The following CFAP299 variants were observed in gnomAD, a reference collection of about 807,000 sequenced individuals.
CFAP299 encodes the protein cilia and flagella associated protein 299.
In CFAP299, 21 loss-of-function variants were observed where a neutral mutation model predicts 27.0. The ratio of observed to expected loss-of-function variants is 0.78; its 90% CI spans 0.55 to 1.12. CFAP299 has a LOEUF of 1.12. Ranked by LOEUF, CFAP299 falls within the 50% of genes most tolerant of loss-of-function variation. The pLI is 0.00. For missense variants in CFAP299, 310 were observed against 276.6 expected, an observed-to-expected ratio of 1.12 and a Z score of -0.86; for synonymous variants, 104 against 98.1, an observed-to-expected ratio of 1.06 and a Z score of -0.36.
intron 3 of CFAP299, among the ~76,000 whole-genome samples, chr4:80,597,381 A>G (rs914741942): frequency 2.6e-5 from 4 of 152,104 alleles, no homozygotes; most frequent in Non-Finnish European, 5.9e-5. Context: ...GCGTCTATTC[A>G]CATTTCTTAT....
At chr4:80,894,063 C>T (rs1286310233) in intron 4 of CFAP299, among the ~76,000 whole-genome samples, 2 of 151,650 alleles carry the variant, frequency 1.3e-5, no homozygotes, top group Admixed American at 6.6e-5. Flanking sequence ...AAAGACCTAA[C>T]CAAACGTTTC....
chr4:80,846,217 A>T (rs1351022575), intron 3 of CFAP299, among the ~76,000 whole-genome samples: 3 of 152,158 alleles, frequency 2.0e-5, no homozygotes, highest in East Asian at 1.9e-4. Context: ...CTGTATAGGG[A>T]TGGAGGAATT....
At chr4:80,737,365 T>C (rs1035645235) in intron 3 of CFAP299, among the ~76,000 whole-genome samples, 5 of 152,102 alleles carry the variant, frequency 3.3e-5, no homozygotes, top group Admixed American at 3.3e-4. Flanking sequence ...AGAATGGTAT[T>C]ATTTCTTCTT....
intron 3 of CFAP299, among the ~76,000 whole-genome samples, chr4:80,628,181 C>A (rs1460049098): frequency 6.6e-6 from 1 of 152,028 alleles, no homozygotes; most frequent in African/African-American, 2.4e-5. Flanking sequence ...TAAATCCATG[C>A]ATTTACAGCT....
chr4:80,826,109 A>T (rs1242766441), intron 3 of CFAP299, among the ~76,000 whole-genome samples: 1 of 151,884 alleles, frequency 6.6e-6, no homozygotes, highest in East Asian at 1.9e-4. Context: ...ACTGTATAAA[A>T]GCAGTTTTTG....
intron 3 of CFAP299, among the ~76,000 whole-genome samples, chr4:80,668,796 TC>T (rs1314074665): frequency 1.3e-5 from 2 of 152,166 alleles, no homozygotes; most frequent in African/African-American, 4.8e-5. Flanking sequence ...CTTTGACTAC[TC>T]GAAGTCTTCT....
rs958069468 is a variant in CFAP299 at position 80,585,662 on chromosome 4, C to T, written c.333+2479C>T. 2.0e-5 allele frequency among the ~76,000 whole-genome samples: 3 copies of T among 152,084 alleles called. No individual in the cohort carries two copies. The East Asian group carries it at 5.8e-4, about 29-fold the overall frequency. ...ATGAATGTCCTTAAAATAATGTATA[C>T]AAATGGTTAATGTGATCAGACATGC... On this transcript the variant is annotated intron_variant, in intron 3 of 5. Coordinates refer to ENST00000358105, the MANE Select transcript of CFAP299 (RefSeq NM_152770.3).
intron 2 of CFAP299, among the ~76,000 whole-genome samples, chr4:80,381,225 C>T (rs150909799): frequency 2.8e-3 from 428 of 152,194 alleles, no homozygotes; most frequent in African/African-American, 0.01. Flanking sequence ...TTTCCCATGC[C>T]AAAATGCCAT....
intron 3 of CFAP299, among the ~76,000 whole-genome samples, chr4:80,799,269 T>A (rs552274375): frequency 9.0e-6 from 1 of 111,618 alleles, no homozygotes; most frequent in African/African-American, 3.7e-5. Context: ...ATTTATATAA[T>A]ATTTATATAT....
chr4:80,510,887 G>A (rs559321292), intron 2 of CFAP299, among the ~76,000 whole-genome samples: 1 of 152,292 alleles, frequency 6.6e-6, no homozygotes, highest in African/African-American at 2.4e-5. Context: ...GACATAGTTG[G>A]CATTGACTTA....
chr4:80,581,453 G>GAGATATATATAT (rs1553936101), intron 2 of CFAP299, among the ~76,000 whole-genome samples: 2 of 103,018 alleles, frequency 1.9e-5, no homozygotes, highest in Non-Finnish European at 1.7e-5. Context: ...TATTAAGTGA[G>GAGATATATATAT]ATATATATAT....
In CFAP299 at chr4:80,451,296, A is replaced by G. The variant is rs145144287; in HGVS notation, c.242+88412A>G. 5.1e-3 allele frequency among the ~76,000 whole-genome samples: 774 copies of G among 152,298 alleles called. 4 individuals are homozygous for G. Among genetic ancestry groups the G allele is most frequent in the Middle Eastern group, 0.017 (5 of 294 alleles). ...CCAAATTTTCTCTTGTTATGAGAAT[A>G]CCAGTCAGAGTGGATTAGGGCCCAC... On this transcript the variant is annotated intron_variant, in intron 2 of 5. Transcript: ENST00000358105.
chr4:80,392,425 A>C (rs1578393192), intron 2 of CFAP299, among the ~76,000 whole-genome samples: 1 of 152,262 alleles, frequency 6.6e-6, no homozygotes, highest in Non-Finnish European at 1.5e-5. Context: ...TGTAATTTGA[A>C]TTGTAATCCC....
rs143527775 is a variant in CFAP299, at chr4:80,585,063, G to A, written c.333+1880G>A. Among the ~76,000 whole-genome samples the A allele has an allele frequency of 2.3e-3, 357 of 152,134 alleles. 3 individuals are homozygous for A. The highest frequency in any genetic ancestry group is 8.0e-3 in the African/African-American group (331 of 41,530). On this transcript the variant is annotated intron_variant, in intron 3 of 5. Coordinates refer to ENST00000358105, the MANE Select transcript of CFAP299 (RefSeq NM_152770.3). ...AACATCAGTGTGCCTTTAGTATAGG[G>A]AATAAATTATAGAAAGGATAAAGCG... is the stretch of plus-strand genomic sequence containing the variant.
chr4:80,678,923 G>A (rs1426881541), intron 3 of CFAP299, among the ~76,000 whole-genome samples: 1 of 151,952 alleles, frequency 6.6e-6, no homozygotes, highest in Non-Finnish European at 1.5e-5. Context: ...TACAAACCTT[G>A]CTCAGTTTTC....
intron 3 of CFAP299, among the ~76,000 whole-genome samples, chr4:80,655,396 T>C (rs1264950832): frequency 6.6e-6 from 1 of 152,150 alleles, no homozygotes; most frequent in Non-Finnish European, 1.5e-5. Flanking sequence ...AAAAGAAATA[T>C]TCTGGAATCA....
chr4:80,625,529 C>T lies in CFAP299; in HGVS notation c.333+42346C>T, dbSNP rs542878854. Among the ~76,000 whole-genome samples, 11 of 151,986 alleles carry T rather than the reference C, an allele frequency of 7.2e-5. No individual in the cohort carries two copies. In the East Asian group the frequency reaches 1.5e-3, roughly 21 times the overall value. ...ATGGCAGTAGTAAATCCTTACCTGT[C>T]AATAATTACTTTGAATGTAAATGGA... is the stretch of plus-strand genomic sequence containing the variant. On this transcript the variant is annotated intron_variant, in intron 3 of 5. Coordinates refer to ENST00000358105, the MANE Select transcript of CFAP299 (RefSeq NM_152770.3).
At chr4:80,401,423 G>T (rs370684351) in intron 2 of CFAP299, among the ~76,000 whole-genome samples, 1 of 152,160 alleles carries the variant, frequency 6.6e-6, no homozygotes, top group African/African-American at 2.4e-5. Context: ...CTATGTCTCA[G>T]CTGCTCCAGC....
chr4:80,430,468 A>T (rs1367184031), intron 2 of CFAP299, among the ~76,000 whole-genome samples: 2 of 152,136 alleles, frequency 1.3e-5, no homozygotes, highest in Non-Finnish European at 2.9e-5. Context: ...GAATTTCTTA[A>T]TGTTGAGGTG....
Sources: allele counts gnomAD v4.1 joint callset (sites outside exome capture counted in the v4.1 genomes callset), GRCh38; gene constraint gnomAD v4.1.1; transcripts MANE v1.5; gene names NCBI Gene and HGNC (gene_info 2026-07-23, HGNC 2026-07-21).